Variants in GREB1L observed in about 807,000 individuals in gnomAD.
The protein encoded by GREB1L is GREB1 like retinoic acid receptor coactivator, also known as GREB1-like protein.
A neutral mutation model predicts 200.8 loss-of-function variants in GREB1L; 17 were observed. That is an observed-to-expected ratio of 0.08 (90% confidence interval 0.06 to 0.13). The LOEUF (loss-of-function observed/expected upper bound fraction) is 0.13, where lower values mean the gene tolerates loss of function less well. GREB1L is among the 10% of genes least tolerant of loss of function. The pLI is 1.00. For missense variants in GREB1L, 1,657 were observed against 2,367.7 expected (o/e 0.70, Z 6.23); for synonymous variants, 789 against 893.0 (o/e 0.88, Z 2.08).
At chr18:21,256,367 A>T (rs1379761337) in intron 1 of GREB1L, among the ~76,000 whole-genome samples, 1 of 152,210 alleles carries the variant, frequency 6.6e-6, no homozygotes, top group Admixed American at 6.5e-5. Flanking sequence ...AGTTAGGTGT[A>T]CATTTTCACA....
intron 1 of GREB1L, among the ~76,000 whole-genome samples, chr18:21,356,867 T>C (rs2039512197): frequency 6.6e-6 from 1 of 152,234 alleles, no homozygotes; most frequent in South Asian, 2.1e-4. Context: ...ATAGCCATTC[T>C]AACAGATATG....
intron 10 of GREB1L, among the ~76,000 whole-genome samples, chr18:21,442,932 C>CA (rs2033982432): frequency 2.0e-5 from 3 of 152,090 alleles, no homozygotes; most frequent in Admixed American, 1.3e-4. Flanking sequence ...TTTTTTGAGA[C>CA]AGAGTCTTGC....
At chr18:21,331,925 C>T (rs2145045948) in intron 1 of GREB1L, among the ~76,000 whole-genome samples, 1 of 152,260 alleles carries the variant, frequency 6.6e-6, no homozygotes, top group Non-Finnish European at 1.5e-5. Flanking sequence ...AAGGTATTTA[C>T]ATTCTTCACA....
intron 1 of GREB1L, among the ~76,000 whole-genome samples, chr18:21,336,067 CCT>C (rs1164315612): frequency 6.6e-6 from 1 of 152,098 alleles, no homozygotes; most frequent in Non-Finnish European, 1.5e-5. Flanking sequence ...ATCTTGGTCT[CCT>C]CTGTTAGTGG....
intron 15 of GREB1L, among the ~76,000 whole-genome samples, chr18:21,455,593 G>C (rs2145484524): frequency 6.6e-6 from 1 of 151,542 alleles, no homozygotes; most frequent in African/African-American, 2.4e-5. Context: ...TGAGGCAGGA[G>C]AATCACTTGA....
chr18:21,428,664 G>T (rs1168516010), intron 7 of GREB1L, among the ~76,000 whole-genome samples: 1 of 134,154 alleles, frequency 7.5e-6, no homozygotes, highest in Admixed American at 7.8e-5. Flanking sequence ...GAGTGTCGCT[G>T]TTGTCGGCCC....
chr18:21,249,658 C>A (rs1410209645), intron 1 of GREB1L, among the ~76,000 whole-genome samples: 2 of 151,940 alleles, frequency 1.3e-5, no homozygotes, highest in East Asian at 3.9e-4. Context: ...AGTTTGAGAC[C>A]AGCCTGGCCA....
At chr18:21,430,581 CTT>C (rs147151717) in intron 7 of GREB1L, among the ~76,000 whole-genome samples, 955 of 60,162 alleles carry the variant, frequency 0.016, 15 homozygotes, top group African/African-American at 0.05. Flanking sequence ...GATTTGGGAT[CTT>C]TTTTTTTTTT....
chr18:21,495,544 A>G (rs936989614), intron 19 of GREB1L, 126 bp from the exon 20 acceptor site: 1 of 654,980 alleles, frequency 1.5e-6, no homozygotes, highest in African/African-American at 1.8e-5. Flanking sequence ...ATACATAAAC[A>G]TATGTAAACA....
chr18:21,464,864 T>C (rs1183105597), intron 15 of GREB1L, among the ~76,000 whole-genome samples: 4 of 152,092 alleles, frequency 2.6e-5, no homozygotes, highest in Non-Finnish European at 5.9e-5. Context: ...TTTTAAAAAA[T>C]AATGTCATGA....
chr18:21,378,754 C>T (rs1376834946), intron 2 of GREB1L, among the ~76,000 whole-genome samples: 10 of 152,170 alleles, frequency 6.6e-5, no homozygotes, highest in Non-Finnish European at 1.3e-4. Flanking sequence ...TACCAAGTCT[C>T]AGCAGGGAAT....
chr18:21,511,567 C>G (rs2037238530), intron 27 of GREB1L, among the ~76,000 whole-genome samples: 1 of 152,108 alleles, frequency 6.6e-6, no homozygotes, highest in Non-Finnish European at 1.5e-5. Flanking sequence ...GGTCTTTGAT[C>G]CATTTTGAGT....
chr18:21,269,870 A>G (rs1298965035), intron 1 of GREB1L, among the ~76,000 whole-genome samples: 1 of 152,228 alleles, frequency 6.6e-6, no homozygotes, highest in African/African-American at 2.4e-5. Flanking sequence ...GATCAGAAAT[A>G]GGTAGGATTA....
intron 2 of GREB1L, among the ~76,000 whole-genome samples, chr18:21,368,279 GA>G (rs1317484739): frequency 6.6e-6 from 1 of 152,100 alleles, no homozygotes; most frequent in Non-Finnish European, 1.5e-5. Flanking sequence ...AACTAATTTA[GA>G]AACCTAAGTA....
intron 1 of GREB1L, among the ~76,000 whole-genome samples, chr18:21,358,978 A>G (rs1336485889): frequency 6.6e-6 from 1 of 152,238 alleles, no homozygotes; most frequent in East Asian, 1.9e-4. Flanking sequence ...TTTTCTATGT[A>G]CAAGATCATG....
chr18:21,278,389 A>AAT lies in GREB1L; in HGVS notation c.-120+35997_-120+35998insTA, dbSNP rs2038208305. 3.1e-4 allele frequency among the ~76,000 whole-genome samples: 39 copies of AAT among 125,620 alleles called. 1 individual carries two copies. Among genetic ancestry groups the AAT allele is most frequent in the African/African-American group, 1.2e-3 (37 of 31,168 alleles). 82.4% of individuals were successfully genotyped at this position (125,620 alleles called of 152,430 possible). On this transcript the variant is annotated intron_variant, in intron 1 of 32. Coordinates refer to ENST00000424526, the MANE Select transcript of GREB1L (RefSeq NM_001142966.3). ...GAGCAAGACTCCATCTCAAAAAAAA[A>AAT]AAATAAATAAATAAATAAATAAATA...
chr18:21,454,241 G>C (rs533123532), intron 14 of GREB1L, 125 bp from the exon 15 acceptor site: 6 of 662,726 alleles, frequency 9.1e-6, no homozygotes, highest in Non-Finnish European at 1.6e-5. Flanking sequence ...GCAAATAGCA[G>C]GTGAGAATTC....
chr18:21,449,128 G>C (rs1368903470), intron 11 of GREB1L, among the ~76,000 whole-genome samples: 2 of 152,164 alleles, frequency 1.3e-5, no homozygotes, highest in Non-Finnish European at 2.9e-5. Context: ...CAGTAGGTTG[G>C]CTTCTTTTTT....
chr18:21,376,959 T>TATATTAA (rs1491570028), intron 2 of GREB1L, among the ~76,000 whole-genome samples: 31 of 152,162 alleles, frequency 2.0e-4, no homozygotes, highest in African/African-American at 7.2e-4. Context: ...AAGGACAAAC[T>TATATTAA]ATATTAAATA....
Sources: allele counts gnomAD v4.1 joint callset (sites outside exome capture counted in the v4.1 genomes callset), GRCh38; gene constraint gnomAD v4.1.1; transcripts MANE v1.5; gene names NCBI Gene and HGNC (gene_info 2026-07-23, HGNC 2026-07-21).